The following ALCAM variants were observed in gnomAD, a reference collection of about 807,000 sequenced individuals.
ALCAM encodes the protein activated leukocyte cell adhesion molecule.
Under a neutral mutation model 70.9 loss-of-function variants are expected in ALCAM, and 30 were observed. The observed-to-expected ratio is 0.42, with a 90% CI of 0.32 to 0.57. ALCAM has a LOEUF of 0.57. ALCAM is among the 20% of genes least tolerant of loss of function. The pLI, the probability that ALCAM is intolerant of heterozygous loss-of-function variation, is 0.11. For synonymous variants in ALCAM, 249 were observed against 242.5 expected, an observed-to-expected ratio of 1.03 and a Z score of -0.25; for missense variants, 591 against 695.1, an observed-to-expected ratio of 0.85 and a Z score of 1.68.
chr3:105,460,459 A>G (rs529585072), intron 1 of ALCAM, among the ~76,000 whole-genome samples: 3 of 152,128 alleles, frequency 2.0e-5, no homozygotes, highest in Non-Finnish European at 4.4e-5. Flanking sequence ...GCTATTTCAT[A>G]GGCTTTAAGA....
chr3:105,394,283 G>A (rs1055985450), intron 1 of ALCAM, among the ~76,000 whole-genome samples: 2 of 151,866 alleles, frequency 1.3e-5, no homozygotes, highest in Admixed American at 1.3e-4. Flanking sequence ...CACTACCTAT[G>A]TATGTCTGTG....
chr3:105,459,629 G>A (rs1040500184), intron 1 of ALCAM, among the ~76,000 whole-genome samples: 1 of 151,718 alleles, frequency 6.6e-6, no homozygotes, highest in Non-Finnish European at 1.5e-5. Context: ...TGAAGATCAG[G>A]GAGTTATTAC....
At chr3:105,478,910 T>A (rs1938194566) in intron 1 of ALCAM, among the ~76,000 whole-genome samples, 1 of 152,140 alleles carries the variant, frequency 6.6e-6, no homozygotes, top group Admixed American at 6.6e-5. Context: ...GTTTGGTTTT[T>A]AAGTTCTAGA....
intron 1 of ALCAM, among the ~76,000 whole-genome samples, chr3:105,489,380 G>C (rs553613212): frequency 6.6e-6 from 1 of 152,160 alleles, no homozygotes; most frequent in East Asian, 1.9e-4. Context: ...AGTGAAAAAA[G>C]CAAATTTATG....
At position 105,389,373 on chromosome 3, in the gene ALCAM, T is replaced by TTTG. The variant is rs1213172056; in HGVS notation, c.73+21894_73+21895insGTT. Among the ~76,000 whole-genome samples the TTTG allele has an allele frequency of 4.1e-5, 5 of 123,088 alleles. 1 individual carries two copies. The highest frequency in any genetic ancestry group is 8.8e-5 in the Non-Finnish European group (5 of 57,120). The allele number at this position is 123,088 out of a possible 152,430, so 80.8% of individuals were successfully genotyped here. A position where few individuals can be genotyped will look rare whatever the true frequency, so the allele number is the denominator to read the frequency against. On this transcript the variant is annotated intron_variant, in intron 1 of 15. Coordinates refer to ENST00000306107, the MANE Select transcript of ALCAM (RefSeq NM_001627.4). ...ACTTGTATGCTCATATATACATAGT[T>TTTG]TTTTTTTTTTTTTTTTTTTTTTTTT...
intron 14 of ALCAM, among the ~76,000 whole-genome samples, chr3:105,568,053 A>ATTTTTTTTTTTTTTTTTTTTT (rs1175221243): frequency 9.8e-6 from 1 of 101,888 alleles, no homozygotes. Flanking sequence ...TTATTATTTT[A>ATTTTTTTTTTTTTTTTTTTTT]TTTTATTTTA....
At chr3:105,457,433 A>G (rs1414192062) in intron 1 of ALCAM, among the ~76,000 whole-genome samples, 1 of 152,094 alleles carries the variant, frequency 6.6e-6, no homozygotes, top group East Asian at 1.9e-4. Flanking sequence ...GAGAGCAGGG[A>G]AAATAACTAA....
intron 1 of ALCAM, among the ~76,000 whole-genome samples, chr3:105,458,802 GT>G (rs1040265355): frequency 7.9e-5 from 12 of 152,160 alleles, no homozygotes; most frequent in African/African-American, 2.9e-4. Flanking sequence ...CTCTGCTCCT[GT>G]TTTTTAGCTG....
intron 15 of ALCAM, among the ~76,000 whole-genome samples, chr3:105,573,112 A>C (rs530584912): frequency 6.6e-6 from 1 of 152,064 alleles, no homozygotes; most frequent in Non-Finnish European, 1.5e-5. Flanking sequence ...ATCACTGGAG[A>C]CTAGAAGCTC....
In ALCAM at chr3:105,448,414, A is replaced by AC. The variant is rs72056369; in HGVS notation, c.74-71653_74-71652insC. On this transcript the variant is annotated intron_variant, in intron 1 of 15. Coordinates refer to ENST00000306107, the MANE Select transcript of ALCAM (RefSeq NM_001627.4). ...TTTTGTAGTCTCCATTAAAAAAAAAAACACTCCAGTAATCTTTCGAATCTT... is the reference window on the plus strand; with the variant it reads ...TTTTGTAGTCTCCATTAAAAAAAAAACACACTCCAGTAATCTTTCGAATCTT... 4.0e-5 allele frequency among the ~76,000 whole-genome samples: 6 copies of AC among 151,520 alleles called. No individual in the cohort carries two copies. The East Asian group carries it at 1.2e-3, about 29-fold the overall frequency.
intron 11 of ALCAM, among the ~76,000 whole-genome samples, 195 bp downstream of exon 11, chr3:105,547,718 T>C (rs1429014061): frequency 6.6e-6 from 1 of 151,394 alleles, no homozygotes. Context: ...AGGAAGAACA[T>C]GGCTCAAAGA....
At chr3:105,563,370 G>GT (rs1940668477) in intron 14 of ALCAM, among the ~76,000 whole-genome samples, 1 of 10,154 alleles carries the variant, frequency 9.8e-5, no homozygotes, top group East Asian at 0.029. Context: ...ATAACTTTTT[G>GT]CTTTTTTTAT....
chr3:105,415,419 A>G (rs1295210125), intron 1 of ALCAM, among the ~76,000 whole-genome samples: 1 of 152,154 alleles, frequency 6.6e-6, no homozygotes, highest in Non-Finnish European at 1.5e-5. Context: ...AGATCAACAA[A>G]TAATAAATCC....
chr3:105,509,799 A>G (rs1939186640), intron 1 of ALCAM, among the ~76,000 whole-genome samples: 1 of 152,108 alleles, frequency 6.6e-6, no homozygotes, highest in South Asian at 2.1e-4. Context: ...ATTATTGCCA[A>G]GTCCAATGTC....
In ALCAM at chr3:105,391,590, G is replaced by C. The variant is rs180773633; in HGVS notation, c.73+24109G>C. ...TGAATATCTTTTATTTCTTTCTCTTGCCTGATTTCCCTGGCCAGAACTTCC... is the reference window on the plus strand; with the variant it reads ...TGAATATCTTTTATTTCTTTCTCTTCCCTGATTTCCCTGGCCAGAACTTCC... On this transcript the variant is annotated intron_variant, in intron 1 of 15. Transcript: ENST00000306107. 9.5e-3 allele frequency among the ~76,000 whole-genome samples: 1,451 copies of C among 152,008 alleles called. 7 individuals are homozygous for C. Among genetic ancestry groups the C allele is most frequent in the Non-Finnish European group, 0.015 (1,002 of 67,936 alleles).
chr3:105,468,098 GAAC>G (rs1484543694), intron 1 of ALCAM, among the ~76,000 whole-genome samples: 6 of 151,244 alleles, frequency 4.0e-5, no homozygotes, highest in African/African-American at 1.5e-4. Flanking sequence ...TAATGTGGAA[GAAC>G]AAATTTTGAG....
chr3:105,568,753 G>A (rs1217072112), intron 14 of ALCAM, among the ~76,000 whole-genome samples: 2 of 152,156 alleles, frequency 1.3e-5, no homozygotes, highest in African/African-American at 2.4e-5. Flanking sequence ...GAAAAGCCAT[G>A]TAAAATTTTC....
intron 1 of ALCAM, among the ~76,000 whole-genome samples, chr3:105,467,583 A>G (rs1483562196): frequency 2.0e-5 from 3 of 151,148 alleles, no homozygotes; most frequent in Non-Finnish European, 4.4e-5. Context: ...AGTTTATTTG[A>G]CTCCTAAACT....
intron 1 of ALCAM, among the ~76,000 whole-genome samples, chr3:105,417,244 G>A (rs967179090): frequency 6.6e-6 from 1 of 151,472 alleles, no homozygotes; most frequent in Non-Finnish European, 1.5e-5. Flanking sequence ...AAGCTTTCCT[G>A]ATATCTTTCC....
Sources: allele counts gnomAD v4.1 joint callset (sites outside exome capture counted in the v4.1 genomes callset), GRCh38; gene constraint gnomAD v4.1.1; transcripts MANE v1.5; gene names NCBI Gene and HGNC (gene_info 2026-07-23, HGNC 2026-07-21).